Variants in NCKIPSD observed in about 807,000 individuals in gnomAD.
The protein encoded by NCKIPSD is NCK-interacting protein with SH3 domain.
NCKIPSD carries 48 observed loss-of-function variants against 73.4 expected under a neutral mutation model. The observed-to-expected ratio is 0.65, with a 90% CI of 0.52 to 0.83. The LOEUF is 0.83. NCKIPSD is among the 40% of genes least tolerant of loss of function. The pLI, the probability that NCKIPSD is intolerant of heterozygous loss-of-function variation, is 0.00. For synonymous variants in NCKIPSD, 422 were observed against 403.6 expected, an observed-to-expected ratio of 1.05 and a Z score of -0.54; for missense variants, 884 against 970.2, an observed-to-expected ratio of 0.91 and a Z score of 1.18.
intron 12 of NCKIPSD, among the ~76,000 whole-genome samples, chr3:48,677,552 A>G (rs1002364612): frequency 6.6e-5 from 10 of 151,986 alleles, no homozygotes; most frequent in African/African-American, 9.7e-5. Context: ...CTACTCCCCA[A>G]TAACTTCAAG....
rs192681817 is a variant in NCKIPSD, at chr3:48,684,455, C to G, written c.171+1182G>C. ...GTGTCCACGGCCCCCACTCCCACCC[C>G]TGGCACTCCTAGATGGGATCACGCC... On this transcript the variant is annotated intron_variant, in intron 1 of 12. Coordinates refer to ENST00000294129, the MANE Select transcript of NCKIPSD (RefSeq NM_016453.4). Among the ~76,000 whole-genome samples, 601 of 152,364 alleles carry G rather than the reference C, an allele frequency of 3.9e-3. 3 individuals are homozygous for G. The highest frequency in any genetic ancestry group is 0.01 in the Middle Eastern group (3 of 294).
intron 4 of NCKIPSD, 79 bp downstream of exon 4, chr3:48,681,966 C>T: frequency 6.6e-7 from 1 of 1,523,852 alleles, no homozygotes; most frequent in Non-Finnish European, 8.9e-7. Context: ...TTAGAGCCTC[C>T]ATTTCCCTGA....
chr3:48,675,509 CATATATATATATATATATGATATAT>C (rs1194227636), intron 12 of NCKIPSD, among the ~76,000 whole-genome samples: 1 of 110,438 alleles, frequency 9.1e-6, no homozygotes, highest in Admixed American at 9.4e-5. Flanking sequence ...ATATATATAT[CATATATATATATATATATGATATAT>C]ATATATATAT....
Position 48,685,667 on chromosome 3 carries a change from G to A in NCKIPSD, c.141C>T (p.Tyr47=). The part of the protein sequence containing the change: ...AARARSGETG[Y]VPPAYLRRLQ... The stretch of plus-strand genomic sequence containing the variant: ...GGCGGCGCAGGTAGGCTGGCGGCAC[G>A]TAGCCCGTCTCACCACTGCGCGCCC... Residue 47 remains tyrosine (Y), a synonymous_variant, in exon 1 of 13, where the codon TAC becomes TAT. Transcript: ENST00000294129. 1.3e-6 allele frequency: 2 copies of A among 1,525,774 alleles called. No homozygotes were observed. The highest frequency in any genetic ancestry group is 2.5e-5 in the East Asian group (1 of 39,216). The allele number at this position is 1,525,774 out of a possible 1,614,324, so 94.5% of individuals were successfully genotyped here.
At chr3:48,677,415 CA>C (rs1346149656) in intron 12 of NCKIPSD, among the ~76,000 whole-genome samples, 2 of 151,682 alleles carry the variant, frequency 1.3e-5, no homozygotes, top group African/African-American at 4.8e-5. Flanking sequence ...AAAAAACCCC[CA>C]AAAAAACACT....
chr3:48,679,135 T>C lies in NCKIPSD; in HGVS notation c.1619A>G (p.Asp540Gly), dbSNP rs1281572284. 1.9e-6 allele frequency: 3 copies of C among 1,614,048 alleles called. No homozygotes were observed. Among genetic ancestry groups the C allele is most frequent in the Non-Finnish European group, 2.5e-6 (3 of 1,179,996 alleles). ...CTCTGTGGTGTCCAAGGGCAGCCCA[T>C]CCTCGACGATGTTCAGTAGGAACTG... is the stretch of plus-strand genomic sequence containing the variant. ...FAQFLLNIVE[D>G]GLPLDTTEQL... is the part of the protein sequence containing the mutation. Residue 540 changes from aspartate (D) to glycine (G), a missense_variant, in exon 10 of 13, where the codon GAT becomes GGT. Transcript: ENST00000294129.
In NCKIPSD at chr3:48,684,138, G is replaced by A. The variant is rs182307568; in HGVS notation, c.172-1126C>T. Among the ~76,000 whole-genome samples, 232 of 152,190 alleles carry A rather than the reference G, an allele frequency of 1.5e-3. 2 individuals carry two copies. Among genetic ancestry groups the A allele is most frequent in the African/African-American group, 4.7e-3 (197 of 41,500 alleles). On this transcript the variant is annotated intron_variant, in intron 1 of 12. Transcript: ENST00000294129. ...CCAAAGCCAGAGTGTGGGGGGAGCC[G>A]GAGGAAGAAACAAAAACACACACAT...
rs752526122 is a variant in NCKIPSD at position 48,679,850 on chromosome 3, T to C, written c.1301A>G (p.Lys434Arg). 1 of 1,614,230 alleles carries C rather than the reference T, an allele frequency of 6.2e-7. No homozygotes were observed. The highest frequency in any genetic ancestry group is 1.1e-5 in the South Asian group (1 of 91,090). Residue 434 changes from lysine (K) to arginine (R), a missense_variant, in exon 7 of 13, where the codon AAG becomes AGG. Lys to Arg is a conservative substitution (Grantham distance 26). Coordinates refer to ENST00000294129, the MANE Select transcript of NCKIPSD (RefSeq NM_016453.4). ...ADPEVCKKMC[K>R]RNEFESVLAL... ...CAGGACAGACTCGAACTCGTTTCTC[T>C]TGCACATTTTCTTGCAAACTTCAGG...
In NCKIPSD at chr3:48,680,210, G is replaced by A; in HGVS notation, c.1112C>T (p.Pro371Leu). 1 of 1,612,700 alleles carries A rather than the reference G, an allele frequency of 6.2e-7. No homozygotes were observed. The highest frequency in any genetic ancestry group is 1.3e-5 in the African/African-American group (1 of 75,046). ...VEGKDLSMAL[P>L]SGQVCHDQQR... is the part of the protein sequence containing the mutation. ...CTGGTCGTGGCAGACCTGCCCTGAG[G>A]GCAGGGCCATGCTGAGGTCCTAGAG... The change falls in exon 6 of 13, where the codon CCC becomes CTC. Residue 371 changes from proline to leucine, a missense_variant. Physicochemically the swap from Pro to Leu is moderately conservative, Grantham distance 98. Transcript: ENST00000294129.
rs568253385 is a variant in NCKIPSD, at chr3:48,678,546, G to A, written c.1965+18C>T. On this transcript the variant is annotated intron_variant, in intron 12 of 12. Coordinates refer to ENST00000294129, the MANE Select transcript of NCKIPSD (RefSeq NM_016453.4). ...TTTCCACACAGTGACCCCCGCTGCT[G>A]CAGCCACCTCCAGGCACCTTGTCTC... The A allele has an allele frequency of 1.8e-5, 28 of 1,598,992 alleles. No homozygotes were observed. In the African/African-American group the frequency reaches 2.8e-4, roughly 16 times the overall value.
At chr3:48,685,118 G>A (rs2077414638) in intron 1 of NCKIPSD, among the ~76,000 whole-genome samples, 1 of 148,984 alleles carries the variant, frequency 6.7e-6, no homozygotes, top group African/African-American at 2.5e-5. Context: ...AGGGAAACAG[G>A]TGGTGTCCAA....
At chr3:48,680,323 T>C in intron 5 of NCKIPSD, 94 bp from the exon 6 acceptor site, 1 of 1,371,324 alleles carries the variant, frequency 7.3e-7, no homozygotes, top group Non-Finnish European at 9.7e-7. Flanking sequence ...CTGTGGACTT[T>C]TACTCCATGA....
Position 48,673,983 on chromosome 3 carries a change from C to T in NCKIPSD, c.*561G>A. 3.7e-6 allele frequency: 4 copies of T among 1,071,110 alleles called. No individual in the cohort carries two copies. Among genetic ancestry groups the T allele is most frequent in the Middle Eastern group, 4.2e-4 (1 of 2,404 alleles). 66.4% of individuals were successfully genotyped at this position (1,071,110 alleles called of 1,614,324 possible). On this transcript the variant is annotated 3_prime_UTR_variant, in exon 13 of 13. Transcript: ENST00000294129. The stretch of plus-strand genomic sequence containing the variant: ...AGTGCCATCATCCTGTTCCATGAGG[C>T]TCCAGGATGGATGGCCTGTCTCCAA...
At position 48,678,983 on chromosome 3, in the gene NCKIPSD, T is replaced by G; in HGVS notation, c.1700-14A>C. On this transcript the variant is annotated splice_polypyrimidine_tract_variant and intron_variant, in intron 10 of 12. Transcript: ENST00000294129. ...TCTGGTCAGCAGCTAAGGAAGGACA[T>G]GGGTATAGACAGGGTGCTGAGCCTG... The G allele has an allele frequency of 6.2e-7, 1 of 1,613,928 alleles. No individual in the cohort carries two copies. Among genetic ancestry groups the G allele is most frequent in the Non-Finnish European group, 8.5e-7 (1 of 1,179,954 alleles).
chr3:48,679,456 G>A lies in NCKIPSD; in HGVS notation c.1491C>T (p.Asp497=). The A allele has an allele frequency of 6.2e-7, 1 of 1,611,840 alleles. No homozygotes were observed. Among genetic ancestry groups the A allele is most frequent in the Non-Finnish European group, 8.5e-7 (1 of 1,178,500 alleles). ...LARDMQTDTQ[D]HQKLCYSALI... ...GGGCAGAGTAACAGAGTTTCTGGTG[G>A]TCTGGGGGGGACAAGGCAGGCAGTC... is the stretch of plus-strand genomic sequence containing the variant. Residue 497 remains aspartate, a splice_region_variant and synonymous_variant, in exon 9 of 13, where the codon GAC becomes GAT. Transcript: ENST00000294129.
At position 48,682,999 on chromosome 3, in the gene NCKIPSD, T is replaced by A; in HGVS notation, c.185A>T (p.Asp62Val). Reference sequence around the variant, plus strand: ...GGCCCGGTCAATGGCCTGGAGGACATCCTGCTCCAGGCCCTGGGGGGGGCA... The same window carrying A: ...GGCCCGGTCAATGGCCTGGAGGACAACCTGCTCCAGGCCCTGGGGGGGGCA... ...YLRRLQGLEQ[D>V]VLQAIDRAIE... is the part of the protein sequence containing the mutation. The change falls in exon 2 of 13, where the codon GAT becomes GTT. Residue 62 changes from aspartate to valine, a missense_variant. Asp to Val is a radical substitution (Grantham distance 152). Coordinates refer to ENST00000294129, the MANE Select transcript of NCKIPSD (RefSeq NM_016453.4). The A allele has an allele frequency of 6.5e-7, 1 of 1,550,166 alleles. No individual in the cohort carries two copies. Among genetic ancestry groups the A allele is most frequent in the Non-Finnish European group, 8.7e-7 (1 of 1,147,084 alleles).
chr3:48,678,473 G>T, intron 12 of NCKIPSD, 91 bp downstream of exon 12: 1 of 1,444,250 alleles, frequency 6.9e-7, no homozygotes, highest in Non-Finnish European at 9.2e-7. Flanking sequence ...CAGTGGCCTT[G>T]CCCCCTCATC....
intron 12 of NCKIPSD, 67 bp from the exon 13 acceptor site, chr3:48,674,814 G>GTGGGGTCCTGTCCCT: frequency 2.0e-6 from 3 of 1,525,774 alleles, no homozygotes; most frequent in African/African-American, 1.4e-5. Context: ...GACAGGGACA[G>GTGGGGTCCTGTCCCT]GACCCCACTG....
In NCKIPSD at chr3:48,674,317, A is replaced by C; in HGVS notation, c.*227T>G. On this transcript the variant is annotated 3_prime_UTR_variant, in exon 13 of 13. Coordinates refer to ENST00000294129, the MANE Select transcript of NCKIPSD (RefSeq NM_016453.4). ...GAAGAGGAAGCCTACCAGGGTATAG[A>C]GGGGCTTTAGCTTGCATATTCCCCC... 1.4e-6 allele frequency: 2 copies of C among 1,403,084 alleles called. No homozygotes were observed. The allele number at this position is 1,403,084 out of a possible 1,614,324, so 86.9% of individuals were successfully genotyped here.
Sources: gnomAD v4.1 joint callset for allele counts (sites outside exome capture counted in the v4.1 genomes callset) on GRCh38, gnomAD v4.1.1 for gene constraint, MANE v1.5 for transcripts, NCBI Gene and HGNC (gene_info 2026-07-23, HGNC 2026-07-21) for gene names.